The following ACER1 variants were observed in gnomAD, a reference collection of about 807,000 sequenced individuals.
The protein encoded by ACER1 is CTB-180A7.3.
Under a neutral mutation model 24.9 loss-of-function variants are expected in ACER1, and 28 were observed. The observed-to-expected ratio is 1.13, with a 90% confidence interval of 0.83 to 1.54. The LOEUF is 1.54. Ranked by LOEUF, ACER1 falls within the 40% of genes most tolerant of loss-of-function variation. The pLI, the probability that ACER1 is intolerant of heterozygous loss-of-function variation, is 0.00. For synonymous variants in ACER1, 132 were observed against 131.4 expected, an observed-to-expected ratio of 1.00 and a Z score of -0.03; for missense variants, 352 against 349.3, an observed-to-expected ratio of 1.01 and a Z score of -0.06.
At chr19:6,307,072 GC>G in intron 5 of ACER1, 80 bp downstream of exon 5, 2 of 1,576,336 alleles carry the variant, frequency 1.3e-6, no homozygotes, top group Non-Finnish European at 8.6e-7. Context: ...TCCAACCCCA[GC>G]CCCCAGGTGC....
chr19:6,358,933 CAAA>C, the ACER1 span, among the ~76,000 whole-genome samples: 6 of 75,376 alleles, frequency 8.0e-5, no homozygotes, highest in East Asian at 3.8e-4. Context: ...AACTCTGTCT[CAAA>C]AAAAAAAAAA....
chr19:6,347,110 AT>A, the ACER1 span, among the ~76,000 whole-genome samples: 1,147 of 52,228 alleles, frequency 0.022, 33 homozygotes, highest in African/African-American at 0.097. Context: ...AAAAAAAAAA[AT>A]ATATATATAT....
chr19:6,309,869 G>A (rs2091569314), intron 3 of ACER1, 35 bp from the exon 4 acceptor site: 2 of 1,612,206 alleles, frequency 1.2e-6, no homozygotes, highest in Admixed American at 1.7e-5. Flanking sequence ...AGGCGGGAAG[G>A]GAGGTCCTGG....
intron 1 of ACER1, among the ~76,000 whole-genome samples, chr19:6,323,672 T>C (rs2091644334): frequency 6.6e-6 from 1 of 152,230 alleles, no homozygotes; most frequent in African/African-American, 2.4e-5. Flanking sequence ...GAAAATGAAC[T>C]AATACAGAGA....
chr19:6,328,633 C>A (rs545110617), intron 1 of ACER1, among the ~76,000 whole-genome samples: 2 of 151,946 alleles, frequency 1.3e-5, no homozygotes, highest in East Asian at 3.9e-4. Context: ...ATTACTTGAG[C>A]CCAGCCTGGC....
At chr19:6,358,933 CAAAA>C in the ACER1 span, among the ~76,000 whole-genome samples, 3 of 75,380 alleles carry the variant, frequency 4.0e-5, no homozygotes, top group African/African-American at 5.9e-5. Context: ...AACTCTGTCT[CAAAA>C]AAAAAAAAAA....
chr19:6,327,343 A>G, intron 1 of ACER1, among the ~76,000 whole-genome samples: 1 of 152,126 alleles, frequency 6.6e-6, no homozygotes, highest in East Asian at 1.9e-4. Flanking sequence ...AGGCAGGCGG[A>G]TCACAAAGTC....
chr19:6,329,022 C>T (rs1176524378), intron 1 of ACER1, among the ~76,000 whole-genome samples: 3 of 151,800 alleles, frequency 2.0e-5, no homozygotes, highest in Non-Finnish European at 4.4e-5. Context: ...GTGGCATGCT[C>T]TTGTGGTTCC....
At chr19:6,342,317 A>G in the ACER1 span, among the ~76,000 whole-genome samples, 2 of 138,988 alleles carry the variant, frequency 1.4e-5, no homozygotes, top group African/African-American at 2.7e-5. Context: ...GCTGGAGTGC[A>G]GTGGCTTGAT....
chr19:6,348,892 C>T, the ACER1 span, among the ~76,000 whole-genome samples: 17 of 151,900 alleles, frequency 1.1e-4, no homozygotes, highest in African/African-American at 3.9e-4. Context: ...CCTGTCTCTA[C>T]TAAAAATACA....
chr19:6,345,624 G>A, the ACER1 span, among the ~76,000 whole-genome samples: 1 of 149,934 alleles, frequency 6.7e-6, no homozygotes. Context: ...GAGTGCAGTG[G>A]TACGATCTCA....
At chr19:6,322,172 C>CA (rs2091634084) in intron 1 of ACER1, among the ~76,000 whole-genome samples, 1 of 152,134 alleles carries the variant, frequency 6.6e-6, no homozygotes, top group African/African-American at 2.4e-5. Context: ...ATCCAACTTA[C>CA]GGCATCTGCC....
intron 1 of ACER1, among the ~76,000 whole-genome samples, chr19:6,329,155 G>C (rs1254748451): frequency 6.6e-6 from 1 of 151,322 alleles, no homozygotes; most frequent in Non-Finnish European, 1.5e-5. Flanking sequence ...CTCTAAAACA[G>C]GTAAAATAAA....
intron 1 of ACER1, among the ~76,000 whole-genome samples, chr19:6,331,654 C>T (rs180983190): frequency 8.6e-5 from 13 of 151,768 alleles, no homozygotes; most frequent in South Asian, 2.1e-4. Flanking sequence ...ATTAGCCAGG[C>T]GTGGTGGTGG....
At chr19:6,333,907 C>T (rs56106063), upstream of ACER1, among the ~76,000 whole-genome samples, 6 of 152,020 alleles carry the variant, frequency 3.9e-5, no homozygotes, top group Non-Finnish European at 7.4e-5. Flanking sequence ...AGAGTCAGGG[C>T]CTTGCTCTGT....
upstream of ACER1, among the ~76,000 whole-genome samples, chr19:6,336,411 C>G (rs921262910): frequency 6.6e-6 from 1 of 152,164 alleles, no homozygotes; most frequent in African/African-American, 2.4e-5. Context: ...AGGCAAGGAA[C>G]ACCACCTCTA....
At chr19:6,335,518 C>T (rs62106624), upstream of ACER1, among the ~76,000 whole-genome samples, 17,115 of 151,934 alleles carry the variant, frequency 0.11, 1,303 homozygotes, top group East Asian at 0.38. Context: ...CCACTGTGCC[C>T]GGCCTTCATT....
At chr19:6,337,929 G>A (rs1173073791), upstream of ACER1, among the ~76,000 whole-genome samples, 2 of 150,402 alleles carry the variant, frequency 1.3e-5, no homozygotes, top group Non-Finnish European at 3.0e-5. Context: ...CACCCACCTC[G>A]GCCTCCCAAA....
At chr19:6,334,348 T>C (rs964730473), upstream of ACER1, among the ~76,000 whole-genome samples, 1 of 149,558 alleles carries the variant, frequency 6.7e-6, no homozygotes, top group Non-Finnish European at 1.5e-5. Flanking sequence ...GTGCCCGGCC[T>C]TTTTTTTTAA....
Sources: allele counts gnomAD v4.1 joint callset (sites outside exome capture counted in the v4.1 genomes callset), GRCh38; gene constraint gnomAD v4.1.1; transcripts MANE v1.5; gene names NCBI Gene and HGNC (gene_info 2026-07-23, HGNC 2026-07-21).